The following CSMD1 variants were observed in gnomAD, a reference collection of about 807,000 sequenced individuals.
The protein encoded by CSMD1 is CUB and sushi domain-containing protein 1.
In CSMD1, 213 loss-of-function variants were observed where a neutral mutation model predicts 417.5. The ratio of observed to expected loss-of-function variants is 0.51; its 90% confidence interval spans 0.46 to 0.57. The LOEUF (loss-of-function observed/expected upper bound fraction) is 0.57, where lower values mean the gene tolerates loss of function less well. Ranked by LOEUF, CSMD1 falls within the 20% of genes least tolerant of loss-of-function variation. The pLI is 0.00. For missense variants in CSMD1, 6,923 were observed against 4,529.7 expected (o/e 1.53, Z -15.17); for synonymous variants, 2,862 against 1,736.8 (o/e 1.65, Z -16.11).
At chr8:4,026,434 T>C (rs954707496) in intron 4 of CSMD1, among the ~76,000 whole-genome samples, 8 of 152,246 alleles carry the variant, frequency 5.3e-5, no homozygotes, top group African/African-American at 1.9e-4. Flanking sequence ...CTTAGCTGAC[T>C]GTTATGTCAA....
intron 2 of CSMD1, among the ~76,000 whole-genome samples, chr8:4,478,481 T>G (rs1188144041): frequency 2.0e-5 from 3 of 151,950 alleles, no homozygotes; most frequent in Non-Finnish European, 2.9e-5. Context: ...CTTCATTAGC[T>G]TTCCCCCCCA....
rs78977221 is a variant in CSMD1 at position 3,505,328 on chromosome 8, A to T, written c.1345-11602T>A. ...GGAGTGACCGCTGAAACTTTGAAGG[A>T]GCAAAAGATGAAAAGAAGATGAGAG... On this transcript the variant is annotated intron_variant, in intron 10 of 69. Coordinates refer to ENST00000635120, the MANE Select transcript of CSMD1 (RefSeq NM_033225.6). 3.9e-4 allele frequency among the ~76,000 whole-genome samples: 60 copies of T among 152,348 alleles called. No individual in the cohort carries two copies. The East Asian group carries it at 0.011, about 28-fold the overall frequency.
At chr8:3,824,988 T>A (rs569853415) in intron 5 of CSMD1, among the ~76,000 whole-genome samples, 12 of 152,336 alleles carry the variant, frequency 7.9e-5, no homozygotes, top group South Asian at 2.1e-4. Flanking sequence ...CACATATTTT[T>A]AAAATTTTTA....
At chr8:4,450,542 C>T (rs577662469) in intron 2 of CSMD1, among the ~76,000 whole-genome samples, 14 of 151,896 alleles carry the variant, frequency 9.2e-5, no homozygotes, top group Admixed American at 3.3e-4. Context: ...GGCTGAGGCA[C>T]GGGATTCACT....
chr8:3,274,832 G>A (rs967615417), intron 26 of CSMD1, among the ~76,000 whole-genome samples: 3 of 152,116 alleles, frequency 2.0e-5, no homozygotes, highest in Non-Finnish European at 4.4e-5. Flanking sequence ...CTGTACCCGT[G>A]AGATGTGTTT....
At chr8:4,311,283 A>G (rs184489080) in intron 3 of CSMD1, among the ~76,000 whole-genome samples, 1 of 152,230 alleles carries the variant, frequency 6.6e-6, no homozygotes, top group African/African-American at 2.4e-5. Context: ...GATAAAGAAA[A>G]TGTGGCACAT....
At chr8:4,843,693 C>G (rs181919193) in intron 1 of CSMD1, among the ~76,000 whole-genome samples, 4 of 152,120 alleles carry the variant, frequency 2.6e-5, no homozygotes, top group African/African-American at 9.7e-5. Context: ...TGTGTTTTAT[C>G]TACTCTTCCA....
intron 2 of CSMD1, among the ~76,000 whole-genome samples, chr8:4,613,391 A>C (rs1801293529): frequency 6.6e-6 from 1 of 152,180 alleles, no homozygotes; most frequent in South Asian, 2.1e-4. Context: ...CCTAAAGAGA[A>C]ATTAGAGCTT....
rs372000269 is a variant in CSMD1, at chr8:3,364,678, G to A, written c.3115+2354C>T. On this transcript the variant is annotated intron_variant, in intron 20 of 69. Coordinates refer to ENST00000635120, the MANE Select transcript of CSMD1 (RefSeq NM_033225.6). ...AGGGCTTCTTCTCTTTTACCCCATGGGGATATGGGCGATTCTCCCCTTTCT... is the reference window on the plus strand; with the variant it reads ...AGGGCTTCTTCTCTTTTACCCCATGAGGATATGGGCGATTCTCCCCTTTCT... Among the ~76,000 whole-genome samples, 49 of 152,226 alleles carry A rather than the reference G, an allele frequency of 3.2e-4. No homozygotes were observed. In the South Asian group the frequency reaches 8.3e-3, roughly 26 times the overall value.
intron 25 of CSMD1, among the ~76,000 whole-genome samples, chr8:3,300,241 A>G (rs1162512283): frequency 1.3e-5 from 2 of 152,200 alleles, no homozygotes; most frequent in African/African-American, 4.8e-5. Context: ...AAATAAAAAG[A>G]TAAATGAACA....
At position 4,902,350 on chromosome 8, in the gene CSMD1, T is replaced by C. The variant is rs369889663; in HGVS notation, c.85+91982A>G. 7.3e-5 allele frequency among the ~76,000 whole-genome samples: 11 copies of C among 151,544 alleles called. 1 individual carries two copies. In the South Asian group the frequency reaches 1.0e-3, roughly 14 times the overall value. On this transcript the variant is annotated intron_variant, in intron 1 of 69. Coordinates refer to ENST00000635120, the MANE Select transcript of CSMD1 (RefSeq NM_033225.6). The stretch of plus-strand genomic sequence containing the variant: ...CACTCAGGAGACTGAGGCAGAAGGA[T>C]TGATTGAGCCCAGGAGTTGAAGACT...
chr8:4,124,432 G>T (rs1802650722), intron 3 of CSMD1, among the ~76,000 whole-genome samples: 1 of 152,136 alleles, frequency 6.6e-6, no homozygotes, highest in South Asian at 2.1e-4. Context: ...TAGTGTAGAA[G>T]GGAGGAAACC....
At chr8:4,292,348 G>A (rs908292858) in intron 3 of CSMD1, among the ~76,000 whole-genome samples, 3 of 152,120 alleles carry the variant, frequency 2.0e-5, no homozygotes, top group Non-Finnish European at 2.9e-5. Context: ...TGCCTCCGGG[G>A]TTCACGCCTT....
At chr8:3,351,497 G>A (rs1166971599) in intron 21 of CSMD1, among the ~76,000 whole-genome samples, 1 of 151,260 alleles carries the variant, frequency 6.6e-6, no homozygotes, top group South Asian at 2.1e-4. Flanking sequence ...TGTAATCCCA[G>A]CTACTTCGGA....
chr8:3,830,948 G>C (rs1355936936), intron 5 of CSMD1, among the ~76,000 whole-genome samples: 2 of 151,974 alleles, frequency 1.3e-5, no homozygotes, highest in African/African-American at 2.4e-5. Context: ...TTCTTTCTGA[G>C]GGACAGTTCA....
chr8:4,790,508 G>C (rs1003744384), intron 1 of CSMD1, among the ~76,000 whole-genome samples: 1 of 152,068 alleles, frequency 6.6e-6, no homozygotes, highest in Non-Finnish European at 1.5e-5. Context: ...AACCAAAAAA[G>C]AGACCGAAAA....
rs188066090 is a variant in CSMD1 at position 4,271,475 on chromosome 8, C to T, written c.415+148478G>A. ...AAGAAAAACTCACTGCAATGCAATACATTTTTCATAGAGAAAAAACTGCAT... is the reference window on the plus strand; with the variant it reads ...AAGAAAAACTCACTGCAATGCAATATATTTTTCATAGAGAAAAAACTGCAT... On this transcript the variant is annotated intron_variant, in intron 3 of 69. Coordinates refer to ENST00000635120, the MANE Select transcript of CSMD1 (RefSeq NM_033225.6). 3.5e-3 allele frequency among the ~76,000 whole-genome samples: 525 copies of T among 151,964 alleles called. 3 individuals carry two copies. The highest frequency in any genetic ancestry group is 0.012 in the African/African-American group (515 of 41,426).
At chr8:4,219,110 G>C (rs1250412057) in intron 3 of CSMD1, among the ~76,000 whole-genome samples, 1 of 152,134 alleles carries the variant, frequency 6.6e-6, no homozygotes, top group Non-Finnish European at 1.5e-5. Context: ...CAGGGTAAAT[G>C]ATCAGACCCA....
intron 5 of CSMD1, among the ~76,000 whole-genome samples, chr8:3,790,366 A>G (rs933634900): frequency 2.6e-5 from 4 of 152,148 alleles, no homozygotes; most frequent in African/African-American, 9.6e-5. Flanking sequence ...GGTGATAGTG[A>G]CGGTGATGGT....
Sources: gnomAD v4.1 joint callset for allele counts (sites outside exome capture counted in the v4.1 genomes callset) on GRCh38, gnomAD v4.1.1 for gene constraint, MANE v1.5 for transcripts, NCBI Gene and HGNC (gene_info 2026-07-23, HGNC 2026-07-21) for gene names.